COX4I1: variants seen among roughly 807,000 people sequenced by gnomAD.
COX4I1 encodes the protein cytochrome c oxidase subunit 4I1, also known as cytochrome c oxidase subunit 4 isoform 1, mitochondrial.
A neutral mutation model predicts 21.7 loss-of-function variants in COX4I1; 18 were observed. The observed-to-expected ratio is 0.83, with a 90% confidence interval of 0.57 to 1.23. The LOEUF is 1.23. Among genes scored for constraint, COX4I1 ranks in the 50% most tolerant of loss-of-function variants. The pLI, the probability that COX4I1 is intolerant of heterozygous loss-of-function variation, is 0.00. For missense variants in COX4I1, 238 were observed against 220.7 expected (o/e 1.08, Z -0.50); for synonymous variants, 100 against 81.5 (o/e 1.23, Z -1.23).
chr16:85,805,535 T>C, intron 3 of COX4I1, 198 bp from the exon 4 acceptor site: 1 of 706,184 alleles, frequency 1.4e-6, no homozygotes, highest in Non-Finnish European at 2.3e-6. Flanking sequence ...ATTTTCTTCT[T>C]TCCTTGCCCT....
chr16:85,800,693 G>A lies in COX4I1; in HGVS notation c.-1-512G>A, dbSNP rs145883032. Among the ~76,000 whole-genome samples the A allele has an allele frequency of 3.6e-3, 555 of 152,078 alleles. 4 individuals carry two copies. Among genetic ancestry groups the A allele is most frequent in the African/African-American group, 0.012 (494 of 41,480 alleles). On this transcript the variant is annotated intron_variant, in intron 1 of 4. Coordinates refer to ENST00000253452, the MANE Select transcript of COX4I1 (RefSeq NM_001861.6). Reference sequence around the variant, plus strand: ...GGCTGGGGTGCAGTGGTGCGGTCTCGGCTCACTGCAGTCTCTACCTCCCGG... The same window carrying A: ...GGCTGGGGTGCAGTGGTGCGGTCTCAGCTCACTGCAGTCTCTACCTCCCGG...
intron 4 of COX4I1, 172 bp downstream of exon 4, chr16:85,806,036 T>A: frequency 1.1e-6 from 1 of 890,038 alleles, no homozygotes; most frequent in Non-Finnish European, 1.7e-6. Context: ...ACTGAAGTCG[T>A]GGGAGGTTAG....
rs1300640186 is a variant in COX4I1, at chr16:85,799,698, T to G, written c.-56T>G. The stretch of plus-strand genomic sequence containing the variant: ...TGCTCCGCGGCGCGGCCTTGCTCTC[T>G]TCCGGTCGCGGGACACCGGGTGTAG... On this transcript the variant is annotated 5_prime_UTR_variant, in exon 1 of 5. Transcript: ENST00000253452. This position sits in a 1 kb window ranked among gnomAD's most constrained non-coding sequence, Gnocchi z 4.2. 4.3e-5 allele frequency: 7 copies of G among 163,208 alleles called. No individual in the cohort carries two copies. Among genetic ancestry groups the G allele is most frequent in the Non-Finnish European group, 7.9e-5 (6 of 75,912 alleles). The allele number at this position is 163,208 out of a possible 1,614,324, so 10.1% of individuals were successfully genotyped here.
At chr16:85,805,589 A>G (rs1238647664) in intron 3 of COX4I1, 144 bp from the exon 4 acceptor site, 1 of 1,214,468 alleles carries the variant, frequency 8.2e-7, no homozygotes, top group East Asian at 2.4e-5. Context: ...ACGTGCGTGA[A>G]CATGATGTGG....
chr16:85,801,148 C>T (rs991112397), intron 1 of COX4I1, 57 bp from the exon 2 acceptor site: 6 of 1,449,354 alleles, frequency 4.1e-6, no homozygotes, highest in Non-Finnish European at 5.8e-6. Context: ...AAAAAGAAGA[C>T]TAATTCCTTG....
Position 85,806,991 on chromosome 16 carries a change from G to A in COX4I1, c.*117G>A, listed in dbSNP as rs1906268074. 9.1e-7 allele frequency: 1 copy of A among 1,104,954 alleles called. No individual in the cohort carries two copies. The highest frequency in any genetic ancestry group is 1.3e-6 in the Non-Finnish European group (1 of 774,438). 68.4% of individuals were successfully genotyped at this position (1,104,954 alleles called of 1,614,324 possible). Reference sequence around the variant, plus strand: ...TTGTACCACTGCTAATAAATGACCAGTTTACCTGAAACCCTTTGTGATCAG... The same window carrying A: ...TTGTACCACTGCTAATAAATGACCAATTTACCTGAAACCCTTTGTGATCAG... On this transcript the variant is annotated 3_prime_UTR_variant, in exon 5 of 5. Coordinates refer to ENST00000253452, the MANE Select transcript of COX4I1 (RefSeq NM_001861.6).
intron 2 of COX4I1, 76 bp downstream of exon 2, chr16:85,801,354 C>G: frequency 7.5e-7 from 1 of 1,340,432 alleles, no homozygotes; most frequent in Non-Finnish European, 1.1e-6. Context: ...AAGCCCTGTG[C>G]TGGAGTTTTA....
rs751199603 is a variant in COX4I1, at chr16:85,804,968, C to A, written c.105C>A (p.Leu35=). 6.2e-7 allele frequency: 1 copy of A among 1,611,296 alleles called. No individual in the cohort carries two copies. Among genetic ancestry groups the A allele is most frequent in the Non-Finnish European group, 8.5e-7 (1 of 1,179,244 alleles). ...TTGTGAAGAGCGAAGACTTTTCGCT[C>A]CCAGCTTATATGGATCGGCGTGACC... ...ESVVKSEDFS[L]PAYMDRRDHP... is the part of the protein sequence containing the mutation. The change falls in exon 3 of 5, where the codon CTC becomes CTA. Residue 35 remains leucine (L), a synonymous_variant. Transcript: ENST00000253452.
At chr16:85,801,557 T>C (rs1034772247) in intron 2 of COX4I1, among the ~76,000 whole-genome samples, 1 of 152,162 alleles carries the variant, frequency 6.6e-6, no homozygotes, top group African/African-American at 2.4e-5. Context: ...TTTCAAAAGA[T>C]CTTCTGCACC....
At chr16:85,806,404 T>G in intron 4 of COX4I1, 1 of 654,318 alleles carries the variant, frequency 1.5e-6, no homozygotes, top group Non-Finnish European at 2.7e-6. Context: ...GTACTTTTGG[T>G]TTGAATGTGG....
chr16:85,805,215 G>C (rs540381526), intron 3 of COX4I1, 111 bp downstream of exon 3: 9 of 1,159,166 alleles, frequency 7.8e-6, no homozygotes, highest in East Asian at 7.5e-5. Context: ...TTGCACAGGA[G>C]GGTTGCTCTG....
chr16:85,805,168 C>T (rs767574214), intron 3 of COX4I1, 64 bp downstream of exon 3: 87 of 1,501,750 alleles, frequency 5.8e-5, no homozygotes, highest in East Asian at 9.2e-5. Context: ...GTGACAGAGC[C>T]TCTGCTCACT....
chr16:85,806,879 T>C lies in COX4I1; in HGVS notation c.*5T>C, dbSNP rs770231214. The stretch of plus-strand genomic sequence containing the variant: ...AAGAACGAGTGGAAGAAGTGAGAGA[T>C]GCTGGCCTGCGCCTGCACCTGCGCC... On this transcript the variant is annotated 3_prime_UTR_variant, in exon 5 of 5. Coordinates refer to ENST00000253452, the MANE Select transcript of COX4I1 (RefSeq NM_001861.6). 4 of 1,611,436 alleles carry C rather than the reference T, an allele frequency of 2.5e-6. No individual in the cohort carries two copies. Among genetic ancestry groups the C allele is most frequent in the Admixed American group, 1.7e-5 (1 of 59,876 alleles).
intron 4 of COX4I1, 91 bp from the exon 5 acceptor site, chr16:85,806,647 G>A (rs901697233): frequency 1.7e-5 from 28 of 1,603,554 alleles, no homozygotes; most frequent in Non-Finnish European, 2.0e-5. Context: ...CCTGGTGGCT[G>A]GTGTGTCGGG....
rs1597220782 is a variant in COX4I1, at chr16:85,806,823, C to T, written c.459C>T (p.Ile153=). 1 of 1,614,250 alleles carries T rather than the reference C, an allele frequency of 6.2e-7. No homozygotes were observed. The highest frequency in any genetic ancestry group is 8.5e-7 in the Non-Finnish European group (1 of 1,180,042). ...KRMLDMKVNP[I]QGLASKWDYE... is the part of the protein sequence containing the mutation. The stretch of plus-strand genomic sequence containing the variant: ...TGCTGGACATGAAGGTGAACCCCAT[C>T]CAGGGCTTAGCCTCCAAGTGGGACT... Residue 153 remains isoleucine (I), a synonymous_variant, in exon 5 of 5, where the codon ATC becomes ATT. Coordinates refer to ENST00000253452, the MANE Select transcript of COX4I1 (RefSeq NM_001861.6).
intron 2 of COX4I1, among the ~76,000 whole-genome samples, chr16:85,801,936 C>CAGTGTTTTATTAAG (rs1445950982): frequency 1.3e-5 from 2 of 151,942 alleles, no homozygotes; most frequent in African/African-American, 4.8e-5. Flanking sequence ...TGGGTGAAGA[C>CAGTGTTTTATTAAG]AGTGTTTTAT....
rs770901016 is a variant in COX4I1 at position 85,805,796 on chromosome 16, C to T, written c.305C>T (p.Thr102Met). 1.1e-5 allele frequency: 17 copies of T among 1,614,108 alleles called. No individual in the cohort carries two copies. The highest frequency in any genetic ancestry group is 8.3e-5 in the Admixed American group (5 of 60,006). The change falls in exon 4 of 5, where the codon ACG becomes ATG. Residue 102 changes from threonine to methionine, a missense_variant. By Grantham distance (81) the Thr-to-Met change is moderately conservative. Coordinates refer to ENST00000253452, the MANE Select transcript of COX4I1 (RefSeq NM_001861.6). ...EMNRGSNEWK[T>M]VVGGAMFFIG... ...AACAGGGGCTCGAACGAGTGGAAGACGGTTGTGGGCGGTGCCATGTTCTTC... is the reference window on the plus strand; with the variant it reads ...AACAGGGGCTCGAACGAGTGGAAGATGGTTGTGGGCGGTGCCATGTTCTTC...
chr16:85,806,145 T>C (rs1906181097), intron 4 of COX4I1: 3 of 584,734 alleles, frequency 5.1e-6, no homozygotes, highest in Admixed American at 6.2e-5. Flanking sequence ...TAGCAATTTA[T>C]GTGCTCACCA....
chr16:85,805,185 C>T (rs1906092829), intron 3 of COX4I1, 81 bp downstream of exon 3: 2 of 1,327,158 alleles, frequency 1.5e-6, no homozygotes, highest in Middle Eastern at 1.9e-4. Flanking sequence ...CACTTCTGGG[C>T]CTACTGTCTA....
Sources: allele counts gnomAD v4.1 joint callset (sites outside exome capture counted in the v4.1 genomes callset), GRCh38; gene constraint gnomAD v4.1.1; non-coding constraint Gnocchi (gnomAD v3.1); transcripts MANE v1.5; gene names NCBI Gene and HGNC (gene_info 2026-07-23, HGNC 2026-07-21).